Variants in INPP5A observed in about 807,000 individuals in gnomAD.
INPP5A encodes 43 kDa inositol polyphosphate 5-phophatase.
A neutral mutation model predicts 65.2 loss-of-function variants in INPP5A; 14 were observed. That is an observed-to-expected ratio of 0.21 (90% CI 0.14 to 0.34). INPP5A has a LOEUF of 0.34. Ranked by LOEUF, INPP5A falls within the 10% of genes least tolerant of loss-of-function variation. The probability of loss-of-function intolerance (pLI) is 1.00; values close to 1 mark genes in which losing one functional copy is unlikely to be tolerated. For missense variants in INPP5A, 431 were observed against 545.6 expected (o/e 0.79, Z 2.09); for synonymous variants, 207 against 208.3 (o/e 0.99, Z 0.05).
At position 132,556,898 on chromosome 10, in the gene INPP5A, C is replaced by T. The variant is rs530524314; in HGVS notation, c.75+18727C>T. 1.7e-3 allele frequency among the ~76,000 whole-genome samples: 258 copies of T among 152,226 alleles called. 1 individual carries two copies. Among genetic ancestry groups the T allele is most frequent in the Middle Eastern group, 3.4e-3 (1 of 294 alleles). On this transcript the variant is annotated intron_variant, in intron 1 of 15. Coordinates refer to ENST00000368594, the MANE Select transcript of INPP5A (RefSeq NM_005539.5). The stretch of plus-strand genomic sequence containing the variant: ...GACTGTAGGGTTTGTGGAATAGACA[C>T]TTCTGTCATTGTGCTCCCTGATGCT...
At chr10:132,559,323 T>C (rs2071170114) in intron 1 of INPP5A, among the ~76,000 whole-genome samples, 1 of 152,250 alleles carries the variant, frequency 6.6e-6, no homozygotes, top group Admixed American at 6.5e-5. Context: ...TGGGGAAGCC[T>C]GTGTTGGCTG....
chr10:132,538,059 G>A lies in INPP5A; in HGVS notation c.-38G>A. On this transcript the variant is annotated 5_prime_UTR_variant, in exon 1 of 16. Coordinates refer to ENST00000368594, the MANE Select transcript of INPP5A (RefSeq NM_005539.5). The surrounding 1 kb of genome is among the most constrained non-coding windows in gnomAD (Gnocchi z 4.1). Reference sequence around the variant, plus strand: ...GGTCCCGGAGGAAGCGGCCGCCGCCGCCGCCGCCCAGCCCAGCGCCCGCGC... The same window carrying A: ...GGTCCCGGAGGAAGCGGCCGCCGCCACCGCCGCCCAGCCCAGCGCCCGCGC... The A allele has an allele frequency of 1.1e-5, 11 of 1,042,276 alleles. No homozygotes were observed. The highest frequency in any genetic ancestry group is 1.3e-5 in the Non-Finnish European group (11 of 862,760). The allele number at this position is 1,042,276 out of a possible 1,614,324, so 64.6% of individuals were successfully genotyped here.
rs1005854137 is a variant in INPP5A at position 132,651,751 on chromosome 10, G to C, written c.306+1246G>C. Among the ~76,000 whole-genome samples, 1 of 152,234 alleles carries C rather than the reference G, an allele frequency of 6.6e-6. No homozygotes were observed. The highest frequency in any genetic ancestry group is 1.5e-5 in the Non-Finnish European group (1 of 68,040). The stretch of plus-strand genomic sequence containing the variant: ...TTTGGGTTCAAGGGCCATCTCACTT[G>C]TTTGGGCATCCAGTGCCAGTTGATC... On this transcript the variant is annotated intron_variant, in intron 4 of 15. Transcript: ENST00000368594. This position sits in a 1 kb window ranked among gnomAD's most constrained non-coding sequence, Gnocchi z 5.0.
intron 4 of INPP5A, among the ~76,000 whole-genome samples, chr10:132,677,955 TTTAA>T (rs1205592283): frequency 2.0e-5 from 3 of 152,232 alleles, no homozygotes; most frequent in Non-Finnish European, 4.4e-5. Context: ...GGACAACCAA[TTTAA>T]TTAACCTCTA....
rs2071556670 is a variant in INPP5A, at chr10:132,587,264, C to A, written c.76-20651C>A. On this transcript the variant is annotated intron_variant, in intron 1 of 15. Coordinates refer to ENST00000368594, the MANE Select transcript of INPP5A (RefSeq NM_005539.5). This position sits in a 1 kb window ranked among gnomAD's most constrained non-coding sequence, Gnocchi z 4.3. ...GCTTGGGCCCGTTCCTCACCTGTTA[C>A]CTGCTGGCAGCAGGAGTGAGGGCCG... Among the ~76,000 whole-genome samples, 1 of 152,200 alleles carries A rather than the reference C, an allele frequency of 6.6e-6. No individual in the cohort carries two copies. The highest frequency in any genetic ancestry group is 2.1e-4 in the South Asian group (1 of 4,832).
rs1242918313 is a variant in INPP5A, at chr10:132,644,981, GGC to G, written c.118-886_118-885del. Among the ~76,000 whole-genome samples the G allele has an allele frequency of 6.6e-6, 1 of 152,160 alleles. No homozygotes were observed. The highest frequency in any genetic ancestry group is 1.5e-5 in the Non-Finnish European group (1 of 68,026). On this transcript the variant is annotated intron_variant, in intron 2 of 15. Transcript: ENST00000368594. This position sits in a 1 kb window ranked among gnomAD's most constrained non-coding sequence, Gnocchi z 6.5. The stretch of plus-strand genomic sequence containing the variant: ...TAGACGGGGACCTGGAAGGAGGGGA[GGC>G]CATGTCGATACTGCATCCGCTCTCT...
At chr10:132,585,766 G>T (rs1048322169) in intron 1 of INPP5A, among the ~76,000 whole-genome samples, 1 of 152,172 alleles carries the variant, frequency 6.6e-6, no homozygotes, top group African/African-American at 2.4e-5. Flanking sequence ...TGCTTCTGGG[G>T]TGGCCCCTGT....
intron 1 of INPP5A, among the ~76,000 whole-genome samples, chr10:132,576,637 G>A (rs1045303075): frequency 6.6e-6 from 1 of 152,228 alleles, no homozygotes; most frequent in Non-Finnish European, 1.5e-5. Context: ...GCAAACGAGA[G>A]TGTTCTAAAT....
intron 8 of INPP5A, among the ~76,000 whole-genome samples, chr10:132,712,472 G>A (rs1053905878): frequency 1.4e-5 from 2 of 148,124 alleles, no homozygotes; most frequent in African/African-American, 5.0e-5. Context: ...TGGTGTGGAT[G>A]TGTGTGGGTA....
intron 9 of INPP5A, among the ~76,000 whole-genome samples, chr10:132,740,125 AG>A (rs1284553246): frequency 1.3e-5 from 2 of 152,246 alleles, no homozygotes; most frequent in Non-Finnish European, 2.9e-5. Flanking sequence ...TGAGTTACCA[AG>A]GAATGGCTAA....
Position 132,631,689 on chromosome 10 carries a change from G to T in INPP5A, c.118-14179G>T, listed in dbSNP as rs190879664. ...TGCTGCCTGTTTCCTGGGAACCAGG[G>T]GCCCTTCGTGCTGGGCCCCGCTCCG... On this transcript the variant is annotated intron_variant, in intron 2 of 15. Coordinates refer to ENST00000368594, the MANE Select transcript of INPP5A (RefSeq NM_005539.5). 4.1e-3 allele frequency among the ~76,000 whole-genome samples: 621 copies of T among 152,354 alleles called. 1 individual carries two copies. Among genetic ancestry groups the T allele is most frequent in the Non-Finnish European group, 6.5e-3 (440 of 68,038 alleles).
Position 132,677,024 on chromosome 10 carries a change from A to T in INPP5A, c.307-13368A>T, listed in dbSNP as rs111820792. On this transcript the variant is annotated intron_variant, in intron 4 of 15. Coordinates refer to ENST00000368594, the MANE Select transcript of INPP5A (RefSeq NM_005539.5). ...TGTCCTGAACTGTAGACCCACAGGT[A>T]TTCACATGGTGACCCCCACCATCAC... Among the ~76,000 whole-genome samples the T allele has an allele frequency of 4.7e-5, 4 of 85,078 alleles. No homozygotes were observed. In the East Asian group the frequency reaches 1.7e-3, roughly 37 times the overall value. The allele number at this position is 85,078 out of a possible 152,430, so 55.8% of individuals were successfully genotyped here. A position where few individuals can be genotyped will look rare whatever the true frequency, so the allele number is the denominator to read the frequency against.
intron 4 of INPP5A, among the ~76,000 whole-genome samples, chr10:132,685,454 C>G (rs192815776): frequency 2.0e-4 from 31 of 152,250 alleles, no homozygotes; most frequent in Admixed American, 2.0e-3. Flanking sequence ...CGTCCCTTAG[C>G]GCGGGGTCTG....
At chr10:132,717,878 G>T in intron 8 of INPP5A, among the ~76,000 whole-genome samples, 1 of 136,990 alleles carries the variant, frequency 7.3e-6, no homozygotes, top group East Asian at 2.1e-4. Context: ...CTGTCTGGGC[G>T]CCTTAGACGG....
chr10:132,779,050 G>A (rs937664440), intron 13 of INPP5A, among the ~76,000 whole-genome samples: 6 of 152,358 alleles, frequency 3.9e-5, no homozygotes, highest in African/African-American at 1.4e-4. Context: ...CCTGCCTGGT[G>A]GGGGCCTGGG....
intron 8 of INPP5A, among the ~76,000 whole-genome samples, chr10:132,719,238 T>C (rs1845811063): frequency 6.7e-6 from 1 of 149,040 alleles, no homozygotes; most frequent in African/African-American, 2.5e-5. Context: ...GGTTCTGTGG[T>C]ACCTGGGTTC....
intron 2 of INPP5A, among the ~76,000 whole-genome samples, chr10:132,633,141 G>A (rs899638207): frequency 6.6e-6 from 1 of 152,160 alleles, no homozygotes; most frequent in Non-Finnish European, 1.5e-5. Context: ...CCTGTCCCTG[G>A]CTGCCTTTTG....
chr10:132,760,724 C>T (rs931613436), intron 11 of INPP5A, among the ~76,000 whole-genome samples: 19 of 152,326 alleles, frequency 1.2e-4, no homozygotes, highest in African/African-American at 4.3e-4. Flanking sequence ...CCCTCTCTCC[C>T]ATGGCCCAGG....
chr10:132,654,611 C>T (rs895559669), intron 4 of INPP5A, among the ~76,000 whole-genome samples: 1 of 152,220 alleles, frequency 6.6e-6, no homozygotes, highest in Admixed American at 6.5e-5. Flanking sequence ...CAGCCAGGTG[C>T]CCTCTGGCTG....
Sources: gnomAD v4.1 joint callset for allele counts (sites outside exome capture counted in the v4.1 genomes callset) on GRCh38, gnomAD v4.1.1 for gene constraint, Gnocchi (gnomAD v3.1) non-coding constraint, MANE v1.5 for transcripts, NCBI Gene and HGNC (gene_info 2026-07-23, HGNC 2026-07-21) for gene names.